Variants in MMUT observed in about 807,000 individuals in gnomAD.
MMUT encodes methylmalonyl-CoA mutase, mitochondrial.
Under a neutral mutation model 79.9 loss-of-function variants are expected in MMUT, and 79 were observed. The ratio of observed to expected loss-of-function variants is 0.99; its 90% CI spans 0.82 to 1.19. The LOEUF (loss-of-function observed/expected upper bound fraction) is 1.19. MMUT is among the 50% of genes most tolerant of loss of function. The pLI is 0.00. For synonymous variants in MMUT, 273 were observed against 295.7 expected (o/e 0.92, Z 0.79); for missense variants, 860 against 917.2 (o/e 0.94, Z 0.81).
chr6:49,439,029 G>A (rs1231810023), intron 11 of MMUT, among the ~76,000 whole-genome samples: 1 of 152,074 alleles, frequency 6.6e-6, no homozygotes, highest in Non-Finnish European at 1.5e-5. Flanking sequence ...AAAGGCTGAG[G>A]GAGAGAAGGC....
rs483352780 is a variant in MMUT, at chr6:49,459,302, G to A, written c.165C>T (p.Asn55=). The change falls in exon 2 of 13, where the codon AAC becomes AAT. Residue 55 remains asparagine, a synonymous_variant. Coordinates refer to ENST00000274813, the MANE Select transcript of MMUT (RefSeq NM_000255.4). ...GGGTGTGCCATATTAGGTCTTCTGG[G>A]TTTTTGCCTTTCAGCTGCTTTTTAG... is the stretch of plus-strand genomic sequence containing the variant. ...ALAKKQLKGK[N]PEDLIWHTPE... is the part of the protein sequence containing the mutation. 1.2e-6 allele frequency: 2 copies of A among 1,614,148 alleles called. No individual in the cohort carries two copies. The highest frequency in any genetic ancestry group is 1.7e-6 in the Non-Finnish European group (2 of 1,180,038).
intron 5 of MMUT, among the ~76,000 whole-genome samples, 166 bp downstream of exon 5, chr6:49,453,419 T>C (rs139120207): frequency 6.6e-6 from 1 of 152,046 alleles, no homozygotes; most frequent in East Asian, 1.9e-4. Flanking sequence ...ATTTATTATA[T>C]TATGTATAAT....
chr6:49,432,524 G>A (rs9381785), intron 12 of MMUT, among the ~76,000 whole-genome samples: 89,672 of 151,398 alleles, frequency 0.59, 26,894 homozygotes, highest in South Asian at 0.65. Context: ...AGTAGCTGTG[G>A]CTACAGGCGC....
chr6:49,434,345 C>T (rs1263582926), intron 12 of MMUT, among the ~76,000 whole-genome samples: 1 of 152,114 alleles, frequency 6.6e-6, no homozygotes, highest in African/African-American at 2.4e-5. Flanking sequence ...TCAGTAGCCC[C>T]ACTTTATTAC....
chr6:49,431,676 T>C lies in MMUT; in HGVS notation c.*52A>G. 1.3e-6 allele frequency: 2 copies of C among 1,567,504 alleles called. No homozygotes were observed. ...GAAGACATAGCTTTACTCTCTTCTT[T>C]GATCATAACTAAAATAATATTTTAG... On this transcript the variant is annotated 3_prime_UTR_variant, in exon 13 of 13. Coordinates refer to ENST00000274813, the MANE Select transcript of MMUT (RefSeq NM_000255.4).
chr6:49,461,016 T>C (rs1442038967), intron 1 of MMUT, among the ~76,000 whole-genome samples: 2 of 152,240 alleles, frequency 1.3e-5, no homozygotes, highest in Non-Finnish European at 2.9e-5. Flanking sequence ...TAGTTTTATT[T>C]GTAATAGAGA....
chr6:49,454,376 C>T (rs1002303252), intron 4 of MMUT, among the ~76,000 whole-genome samples: 5 of 152,144 alleles, frequency 3.3e-5, no homozygotes, highest in Admixed American at 1.3e-4. Context: ...GAAGCAATGT[C>T]GGGTCACTGC....
intron 3 of MMUT, 67 bp downstream of exon 3, chr6:49,457,624 T>C (rs1243311554): frequency 3.0e-6 from 4 of 1,351,144 alleles, no homozygotes; most frequent in Non-Finnish European, 3.1e-6. Flanking sequence ...AATTCAGTTA[T>C]AGCATGTTGT....
Position 49,441,957 on chromosome 6 carries a change from T to C in MMUT, c.1691A>G (p.Glu564Gly). 6.2e-7 allele frequency: 1 copy of C among 1,610,852 alleles called. No individual in the cohort carries two copies. Among genetic ancestry groups the C allele is most frequent in the South Asian group, 1.1e-5 (1 of 91,024 alleles). The change falls in exon 10 of 13, where the codon GAA becomes GGA. Residue 564 changes from glutamate (E) to glycine (G), a missense_variant. Transcript: ENST00000274813. ...TACCTTTTTCAGGGCATCTGTGATT[T>C]CTCCCACTGTACATCTGAAACATGA... The part of the protein sequence containing the change: ...DASRARCTVG[E>G]ITDALKKVFG...
chr6:49,433,520 T>C (rs1306542987), intron 12 of MMUT, among the ~76,000 whole-genome samples: 1 of 152,204 alleles, frequency 6.6e-6, no homozygotes, highest in African/African-American at 2.4e-5. Context: ...TGTCCTCCAC[T>C]TAGCTGGGCC....
At chr6:49,452,907 T>C (rs1767588699) in intron 5 of MMUT, among the ~76,000 whole-genome samples, 1 of 152,128 alleles carries the variant, frequency 6.6e-6, no homozygotes, top group Non-Finnish European at 1.5e-5. Context: ...ACATAAAATA[T>C]GTATGTATAT....
At chr6:49,460,060 T>C (rs187183418) in intron 1 of MMUT, among the ~76,000 whole-genome samples, 1 of 152,320 alleles carries the variant, frequency 6.6e-6, no homozygotes, top group East Asian at 1.9e-4. Flanking sequence ...GCACTAGAAA[T>C]ACTGGATTAC....
At chr6:49,435,097 G>A (rs1449600753) in intron 12 of MMUT, among the ~76,000 whole-genome samples, 3 of 152,072 alleles carry the variant, frequency 2.0e-5, no homozygotes, top group Non-Finnish European at 1.5e-5. Flanking sequence ...TATTCACTGT[G>A]TATTTACTAC....
In MMUT at chr6:49,459,089, G is replaced by A; in HGVS notation, c.378C>T (p.Asn126=). The change falls in exon 2 of 13, where the codon AAC becomes AAT. Residue 126 remains asparagine (N), a synonymous_variant. Coordinates refer to ENST00000274813, the MANE Select transcript of MMUT (RefSeq NM_000255.4). ...CTTACATTAAAATCTCACCCTTAATGTTGTCCTTATAGAACTTATTGCTTT... is the reference window on the plus strand; with the variant it reads ...CTTACATTAAAATCTCACCCTTAATATTGTCCTTATAGAACTTATTGCTTT... ...VEESNKFYKD[N]IKAGQQGLSV... 1 of 1,613,914 alleles carries A rather than the reference G, an allele frequency of 6.2e-7. No individual in the cohort carries two copies. The highest frequency in any genetic ancestry group is 8.5e-7 in the Non-Finnish European group (1 of 1,179,910).
At chr6:49,455,958 T>TA (rs1767675562) in intron 4 of MMUT, 122 bp downstream of exon 4, 2 of 920,350 alleles carry the variant, frequency 2.2e-6, no homozygotes, top group Non-Finnish European at 3.3e-6. Flanking sequence ...ATCACTCAGA[T>TA]AAAATATAAG....
At chr6:49,433,236 A>C (rs1767033150) in intron 12 of MMUT, among the ~76,000 whole-genome samples, 1 of 152,168 alleles carries the variant, frequency 6.6e-6, no homozygotes, top group Non-Finnish European at 1.5e-5. Context: ...TGTCAGATTA[A>C]TAGGTCTTGT....
Position 49,444,768 on chromosome 6 carries a change from C to T in MMUT, c.1561-14G>A, listed in dbSNP as rs574196935. On this transcript the variant is annotated splice_polypyrimidine_tract_variant and intron_variant, in intron 8 of 12. Transcript: ENST00000274813. ...GCTGGATTTGATCTATGGAAAAAGT[C>T]AAGGAAAGGGACAATTTACATGAAG... 6.3e-7 allele frequency: 1 copy of T among 1,586,674 alleles called. No homozygotes were observed. Among genetic ancestry groups the T allele is most frequent in the Non-Finnish European group, 8.7e-7 (1 of 1,155,672 alleles).
At chr6:49,443,754 C>A in intron 9 of MMUT, 1 of 429,526 alleles carries the variant, frequency 2.3e-6, no homozygotes, top group Non-Finnish European at 4.7e-6. Flanking sequence ...CACAAAAATC[C>A]TATTAGGTAG....
At position 49,431,677 on chromosome 6, in the gene MMUT, G is replaced by C. The variant is rs199521080; in HGVS notation, c.*51C>G. 350 of 1,566,090 alleles carry C rather than the reference G, an allele frequency of 2.2e-4. 1 individual carries two copies. The Middle Eastern group carries it at 4.6e-3, about 20-fold the overall frequency. On this transcript the variant is annotated 3_prime_UTR_variant, in exon 13 of 13. Coordinates refer to ENST00000274813, the MANE Select transcript of MMUT (RefSeq NM_000255.4). ...AAGACATAGCTTTACTCTCTTCTTT[G>C]ATCATAACTAAAATAATATTTTAGA... is the stretch of plus-strand genomic sequence containing the variant.
Sources: allele counts gnomAD v4.1 joint callset (sites outside exome capture counted in the v4.1 genomes callset), GRCh38; gene constraint gnomAD v4.1.1; transcripts MANE v1.5; gene names NCBI Gene and HGNC (gene_info 2026-07-23, HGNC 2026-07-21).